Variants in EXOC6B observed in about 807,000 individuals in gnomAD.
EXOC6B encodes the protein SEC15 homolog B.
In EXOC6B, 54 loss-of-function variants were observed where a neutral mutation model predicts 113.5. That is an observed-to-expected ratio of 0.48 (90% CI 0.38 to 0.60). EXOC6B has a LOEUF of 0.60. Ranked by LOEUF, EXOC6B falls within the 20% of genes least tolerant of loss-of-function variation. The pLI is 0.00. For missense variants in EXOC6B, 797 were observed against 977.5 expected (o/e 0.82, Z 2.46); for synonymous variants, 357 against 339.0 (o/e 1.05, Z -0.58).
rs546310705 is a variant in EXOC6B at position 72,440,773 on chromosome 2, C to A, written c.1980+24387G>T. On this transcript the variant is annotated intron_variant, in intron 18 of 21. Coordinates refer to ENST00000272427, the MANE Select transcript of EXOC6B (RefSeq NM_015189.3). ...AGACTAAGACTTATTGGTATGGTGTCTTCAAGAGACCCATCTTACATGCAG... is the reference window on the plus strand; with the variant it reads ...AGACTAAGACTTATTGGTATGGTGTATTCAAGAGACCCATCTTACATGCAG... Among the ~76,000 whole-genome samples, 227 of 152,238 alleles carry A rather than the reference C, an allele frequency of 1.5e-3. 1 individual carries two copies. The highest frequency in any genetic ancestry group is 5.3e-3 in the African/African-American group (219 of 41,546).
intron 1 of EXOC6B, among the ~76,000 whole-genome samples, chr2:72,745,117 G>T (rs1490950794): frequency 6.6e-6 from 1 of 152,112 alleles, no homozygotes; most frequent in Non-Finnish European, 1.5e-5. Context: ...ACAATGCTAA[G>T]ATCATACATT....
chr2:72,613,786 T>C (rs1057104439), intron 6 of EXOC6B, among the ~76,000 whole-genome samples: 1 of 150,932 alleles, frequency 6.6e-6, no homozygotes, highest in Non-Finnish European at 1.5e-5. Flanking sequence ...TAGAGGATCG[T>C]GGAGAAAAAA....
chr2:72,437,255 C>A (rs1251951594), intron 18 of EXOC6B, among the ~76,000 whole-genome samples: 1 of 152,210 alleles, frequency 6.6e-6, no homozygotes, highest in Non-Finnish European at 1.5e-5. Flanking sequence ...CTGCTGCCTG[C>A]TCCTTCTGTT....
At chr2:72,559,603 G>T in intron 7 of EXOC6B, 82 bp from the exon 8 acceptor site, 1 of 1,170,978 alleles carries the variant, frequency 8.5e-7, no homozygotes, top group East Asian at 2.5e-5. Flanking sequence ...TCAAGTGTTT[G>T]GTTCTTTTTA....
chr2:72,692,356 T>TC (rs1170254889), intron 6 of EXOC6B, among the ~76,000 whole-genome samples: 2 of 147,180 alleles, frequency 1.4e-5, no homozygotes, highest in East Asian at 3.9e-4. Flanking sequence ...ACCATATTCT[T>TC]TTTTTTTTTT....
intron 6 of EXOC6B, among the ~76,000 whole-genome samples, chr2:72,675,021 T>C (rs1676188687): frequency 6.6e-6 from 1 of 152,206 alleles, no homozygotes; most frequent in Non-Finnish European, 1.5e-5. Flanking sequence ...TAAACTTTGA[T>C]GCATAAACCC....
chr2:72,498,306 G>T, intron 13 of EXOC6B, 148 bp downstream of exon 13: 1 of 546,456 alleles, frequency 1.8e-6, no homozygotes, highest in Non-Finnish European at 3.1e-6. Flanking sequence ...CAGTTTATTT[G>T]AATTCTGGAT....
Position 72,825,781 on chromosome 2 carries a change from C to G in EXOC6B, c.113+17G>C. On this transcript the variant is annotated intron_variant, in intron 1 of 21. Coordinates refer to ENST00000272427, the MANE Select transcript of EXOC6B (RefSeq NM_015189.3). The surrounding 1 kb of genome is among the most constrained non-coding windows in gnomAD (Gnocchi z 4.4). ...CCGCCCGTTCCCGCCCCTCTGTGGT[C>G]CCGGCACCCGGGGTACCTGAGCGTG... 1 of 1,604,622 alleles carries G rather than the reference C, an allele frequency of 6.2e-7. No individual in the cohort carries two copies. The highest frequency in any genetic ancestry group is 8.5e-7 in the Non-Finnish European group (1 of 1,175,632).
rs534313208 is a variant in EXOC6B, at chr2:72,232,790, G to A, written c.2197-48603C>T. Among the ~76,000 whole-genome samples, 187 of 151,932 alleles carry A rather than the reference G, an allele frequency of 1.2e-3. 1 individual carries two copies. Among genetic ancestry groups the A allele is most frequent in the African/African-American group, 3.7e-3 (154 of 41,484 alleles). On this transcript the variant is annotated intron_variant, in intron 20 of 21. Coordinates refer to ENST00000272427, the MANE Select transcript of EXOC6B (RefSeq NM_015189.3). ...TATTACTTTTATTATAAAGAAACCC[G>A]GGCCAGGCGCAGTGGCTCATGCCTA...
chr2:72,427,152 GC>G (rs1164088326), intron 18 of EXOC6B, among the ~76,000 whole-genome samples: 1 of 152,336 alleles, frequency 6.6e-6, no homozygotes, highest in East Asian at 1.9e-4. Flanking sequence ...CCTGGAGCCA[GC>G]CGCCCCGTGG....
At chr2:72,182,813 T>C in intron 21 of EXOC6B, 2 of 972,972 alleles carry the variant, frequency 2.1e-6, no homozygotes, top group South Asian at 5.2e-5. Flanking sequence ...GGGATTTTAG[T>C]GTAGTCATTA....
At chr2:72,392,898 C>G (rs1692477371) in intron 18 of EXOC6B, among the ~76,000 whole-genome samples, 1 of 152,142 alleles carries the variant, frequency 6.6e-6, no homozygotes, top group Non-Finnish European at 1.5e-5. Context: ...CTCATCTGCT[C>G]TCTCTGTGGG....
At chr2:72,411,845 C>A (rs1694206876) in intron 18 of EXOC6B, among the ~76,000 whole-genome samples, 1 of 151,902 alleles carries the variant, frequency 6.6e-6, no homozygotes, top group Admixed American at 6.6e-5. Flanking sequence ...GAAATGATGC[C>A]TGAGGAGATA....
chr2:72,330,741 TGAA>T (rs1257387767), intron 20 of EXOC6B, among the ~76,000 whole-genome samples: 4 of 152,108 alleles, frequency 2.6e-5, no homozygotes, highest in Non-Finnish European at 4.4e-5. Context: ...CCCTGTTTCT[TGAA>T]TTTGGACTGG....
intron 8 of EXOC6B, among the ~76,000 whole-genome samples, chr2:72,531,454 T>C (rs559591360): frequency 6.6e-6 from 1 of 152,336 alleles, no homozygotes; most frequent in South Asian, 2.1e-4. Flanking sequence ...ATGTCATTTA[T>C]AGAACACTCT....
chr2:72,301,395 G>A (rs1686523239), intron 20 of EXOC6B, among the ~76,000 whole-genome samples: 1 of 152,128 alleles, frequency 6.6e-6, no homozygotes, highest in Non-Finnish European at 1.5e-5. Context: ...CTCCTTCTCA[G>A]TTTTTTGAAT....
chr2:72,590,395 G>T (rs1705864038), intron 6 of EXOC6B, among the ~76,000 whole-genome samples: 1 of 151,876 alleles, frequency 6.6e-6, no homozygotes, highest in African/African-American at 2.4e-5. Flanking sequence ...GCTATCAAGA[G>T]ACCCAATCAA....
At chr2:72,630,084 C>T (rs1672294782) in intron 6 of EXOC6B, among the ~76,000 whole-genome samples, 2 of 152,118 alleles carry the variant, frequency 1.3e-5, no homozygotes, top group African/African-American at 4.8e-5. Context: ...ATTATATAGG[C>T]CAAGCCTCAA....
At chr2:72,559,574 C>A in intron 7 of EXOC6B, 53 bp from the exon 8 acceptor site, 2 of 1,440,368 alleles carry the variant, frequency 1.4e-6, no homozygotes, top group Non-Finnish European at 1.9e-6. Context: ...TTAAAAGCAA[C>A]TACATTAATT....
Sources: allele counts gnomAD v4.1 joint callset (sites outside exome capture counted in the v4.1 genomes callset), GRCh38; gene constraint gnomAD v4.1.1; non-coding constraint Gnocchi (gnomAD v3.1); transcripts MANE v1.5; gene names NCBI Gene and HGNC (gene_info 2026-07-23, HGNC 2026-07-21).